PHACTR2: variants seen among roughly 807,000 people sequenced by gnomAD.
PHACTR2 encodes the protein phosphatase and actin regulator 2.
In PHACTR2, 30 loss-of-function variants were observed where a neutral mutation model predicts 76.0. The observed-to-expected ratio is 0.39, with a 90% confidence interval of 0.30 to 0.54. The LOEUF (loss-of-function observed/expected upper bound fraction) is 0.54. Among genes scored for constraint, PHACTR2 ranks in the 20% least tolerant of loss-of-function variants. The pLI, the probability that PHACTR2 is intolerant of heterozygous loss-of-function variation, is 0.61. For missense variants in PHACTR2, 696 were observed against 781.1 expected, an observed-to-expected ratio of 0.89 and a Z score of 1.30; for synonymous variants, 292 against 292.5, an observed-to-expected ratio of 1.00 and a Z score of 0.02.
At chr6:143,563,270 CT>C (rs1775307397) in intron 1 of PHACTR2, among the ~76,000 whole-genome samples, 1 of 152,034 alleles carries the variant, frequency 6.6e-6, no homozygotes, top group Non-Finnish European at 1.5e-5. Flanking sequence ...GCACTATAGG[CT>C]TTTTATCAAG....
intron 2 of PHACTR2, among the ~76,000 whole-genome samples, chr6:143,745,928 G>T (rs1582835003): frequency 2.6e-5 from 4 of 152,326 alleles, no homozygotes; most frequent in Admixed American, 2.6e-4. Flanking sequence ...GGAAGAAAGA[G>T]GGGGAATTTT....
chr6:143,592,575 C>T lies in PHACTR2; in HGVS notation c.217+55368C>T, dbSNP rs144765635. 1.3e-3 allele frequency among the ~76,000 whole-genome samples: 195 copies of T among 152,264 alleles called. No homozygotes were observed. The highest frequency in any genetic ancestry group is 4.5e-3 in the African/African-American group (185 of 41,546). ...TTGATTTGGTCACTCATCCTCTTTC[C>T]GGTCGTTTGTTTATGCTCTTTCCAT... On this transcript the variant is annotated intron_variant, in intron 1 of 11. Coordinates refer to the PHACTR2 transcript ENST00000367584. This position sits in a 1 kb window ranked among gnomAD's most constrained non-coding sequence, Gnocchi z 4.0.
At position 143,570,771 on chromosome 6, in the gene PHACTR2, A is replaced by G. The variant is rs1775437598; in HGVS notation, c.217+33564A>G. Among the ~76,000 whole-genome samples, 1 of 152,108 alleles carries G rather than the reference A, an allele frequency of 6.6e-6. No individual in the cohort carries two copies. The highest frequency in any genetic ancestry group is 6.6e-5 in the Admixed American group (1 of 15,262). On this transcript the variant is annotated intron_variant, in intron 1 of 11. Coordinates refer to the PHACTR2 transcript ENST00000367584. This position sits in a 1 kb window ranked among gnomAD's most constrained non-coding sequence, Gnocchi z 4.6. ...AGCAGGTTCATCGACTCGTTCTGGT[A>G]GGGGGCCTCTATCTTATTGAGCACA... is the stretch of plus-strand genomic sequence containing the variant.
Position 143,541,930 on chromosome 6 carries a change from G to A in PHACTR2, c.217+4723G>A, listed in dbSNP as rs1562678716. On this transcript the variant is annotated intron_variant, in intron 1 of 11. Coordinates refer to the PHACTR2 transcript ENST00000367584. The surrounding 1 kb of genome is among the most constrained non-coding windows in gnomAD (Gnocchi z 5.3). Reference sequence around the variant, plus strand: ...CCGAAAGGGTGTCTGGGTCCCAAGAGGCTTCTGAGCCCCAGCCACGAGCTA... The same window carrying A: ...CCGAAAGGGTGTCTGGGTCCCAAGAAGCTTCTGAGCCCCAGCCACGAGCTA... Among the ~76,000 whole-genome samples, 1 of 152,230 alleles carries A rather than the reference G, an allele frequency of 6.6e-6. No individual in the cohort carries two copies. The highest frequency in any genetic ancestry group is 2.4e-5 in the African/African-American group (1 of 41,464).
At position 143,705,199 on chromosome 6, in the gene PHACTR2, G is replaced by T. The variant is rs556564081; in HGVS notation, c.47-6817G>T. On this transcript the variant is annotated intron_variant, in intron 1 of 12. Transcript: ENST00000440869. ...AGTGGCGCGATCTTGGCTCACTGCAGCCTCCACTTGCTGAGTTCAAGTGAT... is the reference window on the plus strand; with the variant it reads ...AGTGGCGCGATCTTGGCTCACTGCATCCTCCACTTGCTGAGTTCAAGTGAT... 6.2e-4 allele frequency among the ~76,000 whole-genome samples: 93 copies of T among 149,950 alleles called. 3 individuals carry two copies. In the South Asian group the frequency reaches 0.019, roughly 31 times the overall value.
At position 143,755,606 on chromosome 6, in the gene PHACTR2, C is replaced by G. The variant is rs1001925486; in HGVS notation, c.454+1694C>G. 7.0e-6 allele frequency: 2 copies of G among 287,450 alleles called. No homozygotes were observed. The highest frequency in any genetic ancestry group is 1.3e-3 in the Middle Eastern group (1 of 800). The allele number at this position is 287,450 out of a possible 1,614,324, so 17.8% of individuals were successfully genotyped here. The stretch of plus-strand genomic sequence containing the variant: ...CTTAGAATTAGTACATTCAATTCTT[C>G]CTTATCTGATAAGGTCCAAGAGAGC... On this transcript the variant is annotated intron_variant, in intron 4 of 12. Transcript: ENST00000440869. This position sits in a 1 kb window ranked among gnomAD's most constrained non-coding sequence, Gnocchi z 5.2.
chr6:143,612,795 A>G (rs1775998752), intron 1 of PHACTR2, among the ~76,000 whole-genome samples: 1 of 145,298 alleles, frequency 6.9e-6, no homozygotes, highest in South Asian at 2.2e-4. Context: ...ATTAAAAAAG[A>G]AACTCATTCT....
intron 1 of PHACTR2, chr6:143,711,138 G>A (rs757711491): frequency 5.4e-5 from 23 of 426,562 alleles, no homozygotes; most frequent in Admixed American, 3.9e-4. Context: ...ACCGCTATAC[G>A]TTCCCTCAAG....
In PHACTR2 at chr6:143,789,545, G is replaced by A. The variant is rs189231455; in HGVS notation, c.1845+635G>A. Among the ~76,000 whole-genome samples the A allele has an allele frequency of 1.3e-5, 2 of 152,188 alleles. No homozygotes were observed. Among genetic ancestry groups the A allele is most frequent in the Non-Finnish European group, 2.9e-5 (2 of 68,038 alleles). ...ACAGTGGGTTCTATCAATGTAGAAA[G>A]ACTTTTACCTTATTAGTACCATTGT... On this transcript the variant is annotated intron_variant, in intron 11 of 12. Coordinates refer to ENST00000440869, the MANE Select transcript of PHACTR2 (RefSeq NM_001100164.2). The surrounding 1 kb of genome is among the most constrained non-coding windows in gnomAD (Gnocchi z 5.1).
chr6:143,714,461 G>A (rs992982943), intron 2 of PHACTR2, among the ~76,000 whole-genome samples: 5 of 152,192 alleles, frequency 3.3e-5, no homozygotes, highest in Non-Finnish European at 5.9e-5. Context: ...TTATTGTAGT[G>A]GGAGTTAAGA....
intron 1 of PHACTR2, among the ~76,000 whole-genome samples, chr6:143,693,063 A>C (rs1295415017): frequency 1.3e-5 from 2 of 152,100 alleles, no homozygotes; most frequent in African/African-American, 4.8e-5. Flanking sequence ...TCCTCTTATA[A>C]GAACCCCATT....
intron 2 of PHACTR2, among the ~76,000 whole-genome samples, chr6:143,736,554 A>ATTTTTTTTTTTTTTTTT (rs776969170): frequency 1.8e-5 from 1 of 56,948 alleles, no homozygotes; most frequent in African/African-American, 6.5e-5. Flanking sequence ...ACCCTTTACA[A>ATTTTTTTTTTTTTTTTT]TTTTTTTTTT....
At chr6:143,707,834 G>T (rs1778087957) in intron 1 of PHACTR2, among the ~76,000 whole-genome samples, 1 of 152,148 alleles carries the variant, frequency 6.6e-6, no homozygotes, top group Non-Finnish European at 1.5e-5. Context: ...CTTAGCTTCT[G>T]GGAAGATCTC....
chr6:143,747,696 C>G (rs1562292017), intron 2 of PHACTR2, among the ~76,000 whole-genome samples: 1 of 152,302 alleles, frequency 6.6e-6, no homozygotes, highest in East Asian at 1.9e-4. Context: ...TCAAAGTGCC[C>G]TAGACTCCTT....
In PHACTR2 at chr6:143,558,462, A is replaced by G. The variant is rs1775212711; in HGVS notation, c.217+21255A>G. ...AGAAATATTAAATTTCTAAATTCAT[A>G]TGTAGTAAAACTACTAGGTTTTAAA... On this transcript the variant is annotated intron_variant, in intron 1 of 11. Coordinates refer to the PHACTR2 transcript ENST00000367584. This position sits in a 1 kb window ranked among gnomAD's most constrained non-coding sequence, Gnocchi z 4.7. Among the ~76,000 whole-genome samples, 1 of 152,208 alleles carries G rather than the reference A, an allele frequency of 6.6e-6. No individual in the cohort carries two copies. The highest frequency in any genetic ancestry group is 6.5e-5 in the Admixed American group (1 of 15,282).
intron 1 of PHACTR2, among the ~76,000 whole-genome samples, chr6:143,702,799 T>TTTTTTTTA (rs57620507): frequency 1.4e-4 from 17 of 124,332 alleles, no homozygotes; most frequent in Non-Finnish European, 2.3e-4. Flanking sequence ...TTTTTTTTTT[T>TTTTTTTTA]ACAGAAAATA....
Position 143,537,148 on chromosome 6 carries a change from G to C in PHACTR2, c.158G>C (p.Ser53Thr), listed in dbSNP as rs1164602977. 2 of 333,844 alleles carry C rather than the reference G, an allele frequency of 6.0e-6. No homozygotes were observed. The highest frequency in any genetic ancestry group is 5.8e-6 in the Non-Finnish European group (1 of 171,082). 20.7% of individuals were successfully genotyped at this position (333,844 alleles called of 1,614,324 possible). The change falls in exon 1 of 12, where the codon AGC becomes ACC. Residue 53 changes from serine (S) to threonine (T), a missense_variant. By Grantham distance (58) the Ser-to-Thr change is moderately conservative. Coordinates refer to the PHACTR2 transcript ENST00000367584. The surrounding 1 kb of genome is among the most constrained non-coding windows in gnomAD (Gnocchi z 4.4). Reference sequence around the variant, plus strand: ...CCGAGCCCCCGCGGCCGCTCACAGAGCGACCTCTCGTCGTCCTCGAGCAGG... The same window carrying C: ...CCGAGCCCCCGCGGCCGCTCACAGACCGACCTCTCGTCGTCCTCGAGCAGG...
At chr6:143,574,122 G>A (rs1775480264) in intron 1 of PHACTR2, among the ~76,000 whole-genome samples, 3 of 152,212 alleles carry the variant, frequency 2.0e-5, no homozygotes, top group Admixed American at 6.5e-5. Flanking sequence ...CTGCAGGCAG[G>A]ATTCAGTTCG....
rs970265842 is a variant in PHACTR2, at chr6:143,598,506, T to C, written c.217+61299T>C. On this transcript the variant is annotated intron_variant, in intron 1 of 11. Coordinates refer to the PHACTR2 transcript ENST00000367584. This position sits in a 1 kb window ranked among gnomAD's most constrained non-coding sequence, Gnocchi z 4.1. ...TGGCTGTTTTAAGCCACTAAATTGG[T>C]GGTAATTTGTTACAGTAGCAACAGG... is the stretch of plus-strand genomic sequence containing the variant. 2.0e-5 allele frequency among the ~76,000 whole-genome samples: 3 copies of C among 152,176 alleles called. No individual in the cohort carries two copies. Among genetic ancestry groups the C allele is most frequent in the African/African-American group, 4.8e-5 (2 of 41,438 alleles).
Sources: allele counts gnomAD v4.1 joint callset (sites outside exome capture counted in the v4.1 genomes callset), GRCh38; gene constraint gnomAD v4.1.1; non-coding constraint Gnocchi (gnomAD v3.1); transcripts MANE v1.5; gene names NCBI Gene and HGNC (gene_info 2026-07-23, HGNC 2026-07-21).